AGO2: variants seen among roughly 807,000 people sequenced by gnomAD.
The protein encoded by AGO2 is argonaute RISC catalytic component 2.
A neutral mutation model predicts 102.3 loss-of-function variants in AGO2; 5 were observed. The observed-to-expected ratio is 0.05, with a 90% CI of 0.03 to 0.10. The LOEUF is 0.10. AGO2 is among the 10% of genes least tolerant of loss of function. The pLI, the probability that AGO2 is intolerant of heterozygous loss-of-function variation, is 1.00. For missense variants in AGO2, 541 were observed against 1,183.7 expected (o/e 0.46, Z 7.97); for synonymous variants, 449 against 473.1 (o/e 0.95, Z 0.66).
chr8:140,601,362 AC>A (rs906752597), intron 1 of AGO2, among the ~76,000 whole-genome samples: 1 of 150,146 alleles, frequency 6.7e-6, no homozygotes, highest in Non-Finnish European at 1.5e-5. Flanking sequence ...CAGCCCCAGC[AC>A]CCCCCCGCCG....
At chr8:140,634,884 C>T (rs927206464) in intron 1 of AGO2, among the ~76,000 whole-genome samples, 1 of 152,056 alleles carries the variant, frequency 6.6e-6, no homozygotes, top group African/African-American at 2.4e-5. Context: ...GAAAAGGGGC[C>T]GAAGAAGTGC....
At position 140,521,430 on chromosome 8, in the gene AGO2, A is replaced by T. The variant is rs1263508517; in HGVS notation, c.*10614T>A. 1 of 152,244 alleles carries T rather than the reference A, an allele frequency of 6.6e-6. No homozygotes were observed. Among genetic ancestry groups the T allele is most frequent in the Non-Finnish European group, 1.5e-5 (1 of 68,046 alleles). The allele number at this position is 152,244 out of a possible 1,614,324, so 9.4% of individuals were successfully genotyped here. ...ATGTTGGTTCTCTTGTAAAATTCAG[A>T]GATCTCTTTAAAATAGTAAAACTAT... is the stretch of plus-strand genomic sequence containing the variant. On this transcript the variant is annotated 3_prime_UTR_variant, in exon 19 of 19. Coordinates refer to ENST00000220592, the MANE Select transcript of AGO2 (RefSeq NM_012154.5).
intron 3 of AGO2, 90 bp from the exon 4 acceptor site, chr8:140,562,724 T>C (rs2073223664): frequency 6.7e-7 from 1 of 1,497,240 alleles, no homozygotes; most frequent in Non-Finnish European, 9.0e-7. Flanking sequence ...CAGACACTCC[T>C]GGGTGAGGAA....
At chr8:140,586,840 C>G (rs1588481480) in intron 1 of AGO2, among the ~76,000 whole-genome samples, 1 of 152,208 alleles carries the variant, frequency 6.6e-6, no homozygotes, top group Non-Finnish European at 1.5e-5. Context: ...GCCCGGGAAT[C>G]TGGCCCTGTG....
rs752210201 is a variant in AGO2, at chr8:140,525,249, C to T, written c.*6795G>A. 9 of 152,380 alleles carry T rather than the reference C, an allele frequency of 5.9e-5. No individual in the cohort carries two copies. Among genetic ancestry groups the T allele is most frequent in the South Asian group, 4.1e-4 (2 of 4,832 alleles). 9.4% of individuals were successfully genotyped at this position (152,380 alleles called of 1,614,324 possible). A position where few individuals can be genotyped will look rare whatever the true frequency, so the allele number is the denominator to read the frequency against. On this transcript the variant is annotated 3_prime_UTR_variant, in exon 19 of 19. Transcript: ENST00000220592. Reference sequence around the variant, plus strand: ...GGTGGGAGGGCCCAGCGCAGCATTCCGGAGATGCGCGTGCAGGAAGCTTGC... The same window carrying T: ...GGTGGGAGGGCCCAGCGCAGCATTCTGGAGATGCGCGTGCAGGAAGCTTGC...
intron 1 of AGO2, among the ~76,000 whole-genome samples, chr8:140,610,371 C>T (rs1261390153): frequency 6.6e-6 from 1 of 152,092 alleles, no homozygotes; most frequent in Non-Finnish European, 1.5e-5. Flanking sequence ...GTGCCCACCA[C>T]CATGCCCAGC....
intron 5 of AGO2, 66 bp downstream of exon 5, chr8:140,560,308 G>T (rs145155456): frequency 6.4e-7 from 1 of 1,570,790 alleles, no homozygotes; most frequent in African/African-American, 1.4e-5. Flanking sequence ...CCCCCCGACC[G>T]GGGTCCTGAC....
chr8:140,635,516 G>A lies in AGO2; in HGVS notation c.-10C>T, dbSNP rs1373492524. Reference sequence around the variant, plus strand: ...CGGCTCCCGAGTACATGGTGGCGCCGCCGAGGGGCTCCGGGGCCGAGGGGC... The same window carrying A: ...CGGCTCCCGAGTACATGGTGGCGCCACCGAGGGGCTCCGGGGCCGAGGGGC... On this transcript the variant is annotated 5_prime_UTR_variant, in exon 1 of 19. Coordinates refer to ENST00000220592, the MANE Select transcript of AGO2 (RefSeq NM_012154.5). 1.3e-5 allele frequency: 13 copies of A among 979,412 alleles called. No homozygotes were observed. The highest frequency in any genetic ancestry group is 5.2e-4 in the Middle Eastern group (1 of 1,908). The allele number at this position is 979,412 out of a possible 1,614,324, so 60.7% of individuals were successfully genotyped here. A position where few individuals can be genotyped will look rare whatever the true frequency, so the allele number is the denominator to read the frequency against.
chr8:140,640,605 C>T (rs1478890933), upstream of AGO2, among the ~76,000 whole-genome samples: 5 of 152,042 alleles, frequency 3.3e-5, no homozygotes, highest in Non-Finnish European at 7.4e-5. Flanking sequence ...CTGCAACCTC[C>T]ACCTCCCGGG....
intron 1 of AGO2, among the ~76,000 whole-genome samples, chr8:140,621,846 T>G (rs2074221251): frequency 6.6e-6 from 1 of 152,140 alleles, no homozygotes; most frequent in Non-Finnish European, 1.5e-5. Flanking sequence ...CTGGCGGGAA[T>G]GGAAACGGTG....
chr8:140,604,593 G>A (rs1206893811), intron 1 of AGO2, among the ~76,000 whole-genome samples: 2 of 152,176 alleles, frequency 1.3e-5, no homozygotes, highest in African/African-American at 2.4e-5. Context: ...TTGTGAGGCC[G>A]AGATGGGTGT....
At position 140,582,900 on chromosome 8, in the gene AGO2, T is replaced by C. The variant is rs150533218; in HGVS notation, c.215+2219A>G. 3.6e-3 allele frequency among the ~76,000 whole-genome samples: 553 copies of C among 152,332 alleles called. 2 individuals carry two copies. Among genetic ancestry groups the C allele is most frequent in the Admixed American group, 8.5e-3 (130 of 15,296 alleles). On this transcript the variant is annotated intron_variant, in intron 2 of 18. Transcript: ENST00000220592. ...CCAGTATAGACTTGTATGATGCTGA[T>C]TTTTAGGTGCCAATGTGTCTAGATT... is the stretch of plus-strand genomic sequence containing the variant.
intron 2 of AGO2, among the ~76,000 whole-genome samples, chr8:140,573,740 G>A (rs899641249): frequency 8.5e-5 from 13 of 152,384 alleles, no homozygotes; most frequent in Non-Finnish European, 1.6e-4. Flanking sequence ...CATGGAGGTA[G>A]GGTCAGGCGC....
rs537218459 is a variant in AGO2, at chr8:140,585,006, G to A, written c.215+113C>T. 178 of 1,065,534 alleles carry A rather than the reference G, an allele frequency of 1.7e-4. 1 individual carries two copies. The African/African-American group carries it at 2.4e-3, about 15-fold the overall frequency. 66.0% of individuals were successfully genotyped at this position (1,065,534 alleles called of 1,614,324 possible). A position where few individuals can be genotyped will look rare whatever the true frequency, so the allele number is the denominator to read the frequency against. ...TTTGAAAAGCAAATGCAGCTGAAACGTTCTGGAAAAAACCCAGATGGATCT... is the reference window on the plus strand; with the variant it reads ...TTTGAAAAGCAAATGCAGCTGAAACATTCTGGAAAAAACCCAGATGGATCT... On this transcript the variant is annotated intron_variant, in intron 2 of 18. Coordinates refer to ENST00000220592, the MANE Select transcript of AGO2 (RefSeq NM_012154.5).
chr8:140,581,822 C>T (rs1291541454), intron 2 of AGO2, among the ~76,000 whole-genome samples: 2 of 152,202 alleles, frequency 1.3e-5, no homozygotes, highest in Non-Finnish European at 1.5e-5. Flanking sequence ...TTGAGTGAAT[C>T]CAACTGTTTA....
chr8:140,553,214 C>T (rs755498925), intron 10 of AGO2, among the ~76,000 whole-genome samples: 1 of 151,820 alleles, frequency 6.6e-6, no homozygotes, highest in Non-Finnish European at 1.5e-5. Context: ...AGTGAGACCT[C>T]GTCTCTACAA....
chr8:140,578,689 C>T, intron 2 of AGO2, among the ~76,000 whole-genome samples: 1 of 152,218 alleles, frequency 6.6e-6, no homozygotes, highest in South Asian at 2.1e-4. Flanking sequence ...GAGAGTGACC[C>T]ATGTTGAAAC....
intron 1 of AGO2, among the ~76,000 whole-genome samples, chr8:140,619,081 T>C (rs1588511009): frequency 6.7e-6 from 1 of 148,722 alleles, no homozygotes; most frequent in African/African-American, 2.5e-5. Flanking sequence ...CTTATCCTGG[T>C]GGCAGCCGCG....
chr8:140,594,279 A>C (rs1305331303), intron 1 of AGO2, among the ~76,000 whole-genome samples: 1 of 152,244 alleles, frequency 6.6e-6, no homozygotes, highest in African/African-American at 2.4e-5. Flanking sequence ...GAAGGAAAAA[A>C]ATAAGGTGAG....
Sources: gnomAD v4.1 joint callset for allele counts (sites outside exome capture counted in the v4.1 genomes callset) on GRCh38, gnomAD v4.1.1 for gene constraint, MANE v1.5 for transcripts, NCBI Gene and HGNC (gene_info 2026-07-23, HGNC 2026-07-21) for gene names.